Variants in AGBL4 observed in about 807,000 individuals in gnomAD.
AGBL4 encodes the protein AGBL carboxypeptidase 4.
Under a neutral mutation model 66.4 loss-of-function variants are expected in AGBL4, and 58 were observed. The ratio of observed to expected loss-of-function variants is 0.87; its 90% CI spans 0.71 to 1.09. The LOEUF (loss-of-function observed/expected upper bound fraction) is 1.09. AGBL4 is among the 50% of genes least tolerant of loss of function. The pLI is 0.00. For missense variants in AGBL4, 579 were observed against 631.0 expected (o/e 0.92, Z 0.88); for synonymous variants, 234 against 222.9 (o/e 1.05, Z -0.44).
Position 48,867,090 on chromosome 1 carries a change from G to A in AGBL4, c.634+101C>T, listed in dbSNP as rs1423990517. 1.1e-5 allele frequency: 14 copies of A among 1,317,048 alleles called. No individual in the cohort carries two copies. The East Asian group carries it at 3.2e-4, about 30-fold the overall frequency. The allele number at this position is 1,317,048 out of a possible 1,614,324, so 81.6% of individuals were successfully genotyped here. ...GTGCAAGAGTTCTGCCGTTCATTCA[G>A]GGAGCCAAAAGAGAAGGGCAAGAAT... is the stretch of plus-strand genomic sequence containing the variant. On this transcript the variant is annotated intron_variant, in intron 6 of 13. Coordinates refer to ENST00000371839, the MANE Select transcript of AGBL4 (RefSeq NM_032785.4).
chr1:49,665,992 TA>T (rs1270915912), intron 3 of AGBL4, among the ~76,000 whole-genome samples: 2 of 151,498 alleles, frequency 1.3e-5, no homozygotes, highest in Non-Finnish European at 1.5e-5. Flanking sequence ...AATATTTTAA[TA>T]TTTTTAAAAT....
chr1:49,239,137 A>G (rs1011172620), intron 4 of AGBL4, among the ~76,000 whole-genome samples: 3 of 152,152 alleles, frequency 2.0e-5, no homozygotes, highest in African/African-American at 4.8e-5. Flanking sequence ...ATTAATGTCA[A>G]TACTCTTAAG....
chr1:49,666,107 C>G (rs1646362046), intron 3 of AGBL4, among the ~76,000 whole-genome samples: 1 of 151,964 alleles, frequency 6.6e-6, no homozygotes, highest in South Asian at 2.1e-4. Flanking sequence ...CAGGCACATA[C>G]CACCACACCT....
At chr1:48,542,895 A>G (rs1165797971) in intron 11 of AGBL4, among the ~76,000 whole-genome samples, 1 of 152,138 alleles carries the variant, frequency 6.6e-6, no homozygotes, top group Non-Finnish European at 1.5e-5. Flanking sequence ...TTGGTGTTTC[A>G]GTCATGAAGT....
intron 4 of AGBL4, among the ~76,000 whole-genome samples, chr1:49,200,077 G>T (rs2148227573): frequency 1.3e-5 from 2 of 152,198 alleles, no homozygotes; most frequent in East Asian, 3.9e-4. Flanking sequence ...GTGTACTCAG[G>T]ATTCTTTTAC....
At chr1:49,650,517 A>G (rs1487246846) in intron 3 of AGBL4, among the ~76,000 whole-genome samples, 1 of 152,176 alleles carries the variant, frequency 6.6e-6, no homozygotes, top group African/African-American at 2.4e-5. Context: ...CACTCCCCTC[A>G]GGCCTAAACT....
intron 3 of AGBL4, among the ~76,000 whole-genome samples, chr1:49,370,090 T>TTA (rs1644311259): frequency 6.8e-6 from 1 of 147,436 alleles, no homozygotes; most frequent in Admixed American, 6.8e-5. Flanking sequence ...TAATTAGATA[T>TTA]TATATATATA....
intron 4 of AGBL4, among the ~76,000 whole-genome samples, chr1:49,128,614 G>A (rs1268628305): frequency 1.3e-5 from 2 of 151,958 alleles, no homozygotes; most frequent in Non-Finnish European, 2.9e-5. Flanking sequence ...AACTTAATAA[G>A]GAAAGGATTG....
In AGBL4 at chr1:49,245,769, C is replaced by T; in HGVS notation, c.377+1G>A. On this transcript the variant is annotated splice_donor_variant, in intron 4 of 13. Transcript: ENST00000371839. LOFTEE classifies it high-confidence loss of function. ...GGGGTCCCATTCTGTAGATCACTTACCATTTTGGTCTGCTGGTAGATTTCA... is the reference window on the plus strand; with the variant it reads ...GGGGTCCCATTCTGTAGATCACTTATCATTTTGGTCTGCTGGTAGATTTCA... 1.3e-6 allele frequency: 2 copies of T among 1,547,912 alleles called. No homozygotes were observed. Among genetic ancestry groups the T allele is most frequent in the Non-Finnish European group, 1.7e-6 (2 of 1,144,046 alleles).
chr1:48,604,909 T>A (rs1237546043), intron 9 of AGBL4, among the ~76,000 whole-genome samples: 2 of 152,234 alleles, frequency 1.3e-5, no homozygotes, highest in Non-Finnish European at 2.9e-5. Context: ...AGCCCCTTCA[T>A]CCATATCTAC....
chr1:49,775,962 A>G (rs759434827), intron 2 of AGBL4, among the ~76,000 whole-genome samples: 3 of 152,124 alleles, frequency 2.0e-5, no homozygotes, highest in Non-Finnish European at 2.9e-5. Flanking sequence ...GTATGCATAT[A>G]TTGAGCAAGT....
intron 3 of AGBL4, among the ~76,000 whole-genome samples, chr1:49,309,232 A>T (rs986196231): frequency 3.3e-5 from 5 of 152,094 alleles, no homozygotes; most frequent in Non-Finnish European, 5.9e-5. Context: ...TCTACTGTTG[A>T]TGGCAATGAT....
intron 9 of AGBL4, among the ~76,000 whole-genome samples, chr1:48,614,867 A>G (rs1240265882): frequency 6.6e-6 from 1 of 152,236 alleles, no homozygotes; most frequent in African/African-American, 2.4e-5. Flanking sequence ...TGGATTCCCA[A>G]TGTCTCTTAT....
At position 49,287,505 on chromosome 1, in the gene AGBL4, A is replaced by T. The variant is rs1368253542; in HGVS notation, c.283-41641T>A. 2.4e-4 allele frequency among the ~76,000 whole-genome samples: 37 copies of T among 151,212 alleles called. 1 individual carries two copies. The highest frequency in any genetic ancestry group is 8.7e-4 in the African/African-American group (36 of 41,464). On this transcript the variant is annotated intron_variant, in intron 3 of 13. Transcript: ENST00000371839. ...TATCCAGAATCTACAAAGAACTCAAACAAATTTACAAGAAAAAAACAAACA... is the reference window on the plus strand; with the variant it reads ...TATCCAGAATCTACAAAGAACTCAATCAAATTTACAAGAAAAAAACAAACA...
At chr1:49,100,567 G>T (rs1418277650) in intron 4 of AGBL4, among the ~76,000 whole-genome samples, 1 of 152,182 alleles carries the variant, frequency 6.6e-6, no homozygotes, top group African/African-American at 2.4e-5. Flanking sequence ...TAGTGGAGAG[G>T]AACAGGTGAA....
At chr1:49,638,011 T>G (rs1357194317) in intron 3 of AGBL4, among the ~76,000 whole-genome samples, 1 of 152,184 alleles carries the variant, frequency 6.6e-6, no homozygotes, top group Non-Finnish European at 1.5e-5. Context: ...AGTATCCAAA[T>G]TAGCATTTCT....
intron 3 of AGBL4, among the ~76,000 whole-genome samples, chr1:49,530,205 T>G (rs1188335998): frequency 7.3e-6 from 1 of 137,672 alleles, no homozygotes; most frequent in Non-Finnish European, 1.5e-5. Context: ...TACATTTGGA[T>G]TTTACATTAT....
chr1:49,229,485 A>G (rs1650149337), intron 4 of AGBL4, among the ~76,000 whole-genome samples: 1 of 152,240 alleles, frequency 6.6e-6, no homozygotes, highest in Non-Finnish European at 1.5e-5. Context: ...GGGAGCAAGC[A>G]GGGTAAGAAC....
intron 3 of AGBL4, among the ~76,000 whole-genome samples, chr1:49,473,306 T>G (rs118185345): frequency 6.6e-6 from 1 of 152,064 alleles, no homozygotes; most frequent in East Asian, 1.9e-4. Context: ...CCAACATCTG[T>G]TATGTTTTGA....
Sources: gnomAD v4.1 joint callset for allele counts (sites outside exome capture counted in the v4.1 genomes callset) on GRCh38, gnomAD v4.1.1 for gene constraint, MANE v1.5 for transcripts, NCBI Gene and HGNC (gene_info 2026-07-23, HGNC 2026-07-21) for gene names.